Variants in CCSER1 observed in about 807,000 individuals in gnomAD.
The protein encoded by CCSER1 is serine-rich coiled-coil domain-containing protein 1.
In CCSER1, 41 loss-of-function variants were observed where a neutral mutation model predicts 82.0. That is an observed-to-expected ratio of 0.50 (90% CI 0.39 to 0.65). The LOEUF is 0.65. Among genes scored for constraint, CCSER1 ranks in the 30% least tolerant of loss-of-function variants. CCSER1 has a pLI of 0.00. For missense variants in CCSER1, 1,119 were observed against 1,064.2 expected (o/e 1.05, Z -0.72); for synonymous variants, 414 against 383.9 (o/e 1.08, Z -0.92).
At chr4:90,587,349 C>T (rs374761280) in intron 5 of CCSER1, among the ~76,000 whole-genome samples, 3 of 152,276 alleles carry the variant, frequency 2.0e-5, no homozygotes, top group South Asian at 2.1e-4. Context: ...GCAGTGATCA[C>T]GCCTGTAATT....
intron 6 of CCSER1, among the ~76,000 whole-genome samples, chr4:90,698,470 G>C (rs1355788397): frequency 2.6e-5 from 4 of 152,142 alleles, no homozygotes; most frequent in African/African-American, 9.7e-5. Flanking sequence ...ATATAGAGAT[G>C]GGAACCTGGG....
At chr4:91,197,222 C>T (rs1442017360) in intron 10 of CCSER1, among the ~76,000 whole-genome samples, 2 of 152,204 alleles carry the variant, frequency 1.3e-5, no homozygotes, top group Non-Finnish European at 2.9e-5. Context: ...GACAGCTAAA[C>T]ATCTGCCAGA....
chr4:90,386,930 T>A (rs1750152042), intron 3 of CCSER1, among the ~76,000 whole-genome samples: 1 of 152,222 alleles, frequency 6.6e-6, no homozygotes, highest in Admixed American at 6.5e-5. Context: ...TATCAGTAGC[T>A]GAAATGATCT....
At chr4:90,813,417 C>T (rs1467376183) in intron 7 of CCSER1, among the ~76,000 whole-genome samples, 1 of 152,218 alleles carries the variant, frequency 6.6e-6, no homozygotes, top group Non-Finnish European at 1.5e-5. Context: ...TCCCCTGCGG[C>T]TCCTTTCACA....
At chr4:90,481,652 G>A (rs1057194497) in intron 5 of CCSER1, among the ~76,000 whole-genome samples, 1 of 152,198 alleles carries the variant, frequency 6.6e-6, no homozygotes, top group Non-Finnish European at 1.5e-5. Context: ...CATTGGTTCT[G>A]TTTATATGCT....
At chr4:90,910,564 C>T (rs928421538) in intron 8 of CCSER1, among the ~76,000 whole-genome samples, 1 of 151,852 alleles carries the variant, frequency 6.6e-6, no homozygotes, top group Admixed American at 6.6e-5. Context: ...TTTTGTAAGC[C>T]CTATTATTTC....
At chr4:90,446,978 A>G (rs1436858009) in intron 4 of CCSER1, among the ~76,000 whole-genome samples, 1 of 152,202 alleles carries the variant, frequency 6.6e-6, no homozygotes, top group Non-Finnish European at 1.5e-5. Context: ...TACAGCAATA[A>G]TGCATATGAA....
chr4:90,340,066 A>G (rs1741119353), intron 3 of CCSER1, among the ~76,000 whole-genome samples: 1 of 152,154 alleles, frequency 6.6e-6, no homozygotes, highest in Non-Finnish European at 1.5e-5. Context: ...TTTTCTCCTT[A>G]GTGACAATTA....
intron 9 of CCSER1, among the ~76,000 whole-genome samples, chr4:90,957,371 A>T (rs1344509149): frequency 1.4e-5 from 2 of 147,372 alleles, no homozygotes; most frequent in East Asian, 3.9e-4. Flanking sequence ...AAATGCTGGG[A>T]TTACAGGCGT....
In CCSER1 at chr4:91,075,588, G is replaced by T. The variant is rs115843274; in HGVS notation, c.2173-10362G>T. Among the ~76,000 whole-genome samples the T allele has an allele frequency of 8.8e-3, 1,345 of 152,194 alleles. 20 individuals are homozygous for T. The highest frequency in any genetic ancestry group is 0.03 in the African/African-American group (1,257 of 41,546). The stretch of plus-strand genomic sequence containing the variant: ...ATTTGACTGTTCGTGTGTACATCAA[G>T]TCTTTTGAAGAGTCAGACAAATTGT... On this transcript the variant is annotated intron_variant, in intron 9 of 10. Coordinates refer to ENST00000509176, the MANE Select transcript of CCSER1 (RefSeq NM_001145065.2).
At chr4:90,483,852 T>C (rs1400003114) in intron 5 of CCSER1, among the ~76,000 whole-genome samples, 1 of 152,208 alleles carries the variant, frequency 6.6e-6, no homozygotes, top group Non-Finnish European at 1.5e-5. Flanking sequence ...TTATGTATCT[T>C]GGAGTTGCTC....
chr4:90,343,520 G>T (rs545408108), intron 3 of CCSER1, among the ~76,000 whole-genome samples: 8 of 152,258 alleles, frequency 5.3e-5, no homozygotes, highest in African/African-American at 1.7e-4. Context: ...AGGAGGCTGA[G>T]GCAGGAGAAT....
chr4:90,523,226 G>T (rs2153626299), intron 5 of CCSER1, among the ~76,000 whole-genome samples: 2 of 152,188 alleles, frequency 1.3e-5, no homozygotes, highest in South Asian at 4.1e-4. Flanking sequence ...TTAAGAAAAG[G>T]AGAAATTGAG....
At chr4:91,390,307 G>A (rs1751569684) in intron 10 of CCSER1, among the ~76,000 whole-genome samples, 1 of 151,756 alleles carries the variant, frequency 6.6e-6, no homozygotes, top group Admixed American at 6.6e-5. Context: ...AATCTATAAT[G>A]ATGTGATTTT....
At chr4:90,226,918 A>G (rs1743274798) in intron 1 of CCSER1, among the ~76,000 whole-genome samples, 1 of 152,202 alleles carries the variant, frequency 6.6e-6, no homozygotes, top group Non-Finnish European at 1.5e-5. Flanking sequence ...CCAATGTAGG[A>G]TTCACTTGAC....
intron 7 of CCSER1, among the ~76,000 whole-genome samples, chr4:90,801,030 C>T (rs1034594619): frequency 1.3e-5 from 2 of 151,988 alleles, no homozygotes; most frequent in Admixed American, 6.6e-5. Flanking sequence ...AGTTGTACAA[C>T]CTCATTATTT....
chr4:91,158,302 G>A (rs916583058), intron 10 of CCSER1, among the ~76,000 whole-genome samples: 3 of 151,810 alleles, frequency 2.0e-5, no homozygotes, highest in Admixed American at 6.6e-5. Context: ...ACTTCATGAG[G>A]GTTATTCTTG....
chr4:90,180,895 A>T (rs1243253309), intron 1 of CCSER1, among the ~76,000 whole-genome samples: 1 of 152,186 alleles, frequency 6.6e-6, no homozygotes, highest in Non-Finnish European at 1.5e-5. Context: ...TGAGTACTAG[A>T]CTATACGAGT....
intron 9 of CCSER1, among the ~76,000 whole-genome samples, chr4:91,034,573 T>A (rs1279635303): frequency 6.6e-6 from 1 of 152,132 alleles, no homozygotes. Context: ...TTTTTACTAT[T>A]TATTGGAGCG....
Sources: allele counts gnomAD v4.1 joint callset (sites outside exome capture counted in the v4.1 genomes callset), GRCh38; gene constraint gnomAD v4.1.1; transcripts MANE v1.5; gene names NCBI Gene and HGNC (gene_info 2026-07-23, HGNC 2026-07-21).